The following LUC7L2 variants were observed in gnomAD, a reference collection of about 807,000 sequenced individuals.
The protein encoded by LUC7L2 is LUC7 like 2, pre-mRNA splicing factor.
A neutral mutation model predicts 52.8 loss-of-function variants in LUC7L2; 25 were observed. The observed-to-expected ratio is 0.47, with a 90% CI of 0.34 to 0.66. The LOEUF (loss-of-function observed/expected upper bound fraction) is 0.66, where lower values mean the gene tolerates loss of function less well. Among genes scored for constraint, LUC7L2 ranks in the 30% least tolerant of loss-of-function variants. The pLI, the probability that LUC7L2 is intolerant of heterozygous loss-of-function variation, is 0.01. For missense variants in LUC7L2, 328 were observed against 497.8 expected (o/e 0.66, Z 3.25); for synonymous variants, 144 against 160.9 (o/e 0.89, Z 0.80).
Position 139,354,883 on chromosome 7 carries a change from G to T in LUC7L2, c.-26+14366G>T, listed in dbSNP as rs181502024. On this transcript the variant is annotated intron_variant, in intron 1 of 10. Transcript: ENST00000541170. ...ACTTTTTTTTTTTTTTTGAGACAGGGTCTTGCTCTGTTGTCCAGGTTGGAG... is the reference window on the plus strand; with the variant it reads ...ACTTTTTTTTTTTTTTTGAGACAGGTTCTTGCTCTGTTGTCCAGGTTGGAG... Among the ~76,000 whole-genome samples the T allele has an allele frequency of 7.6e-3, 1,139 of 150,604 alleles. 7 individuals are homozygous for T. Among genetic ancestry groups the T allele is most frequent in the South Asian group, 0.013 (64 of 4,784 alleles).
intron 1 of LUC7L2, among the ~76,000 whole-genome samples, chr7:139,364,851 T>A (rs1463856497): frequency 6.6e-6 from 1 of 152,274 alleles, no homozygotes. Flanking sequence ...ACATTTTCTC[T>A]TAATTTTTTC....
intron 1 of LUC7L2, among the ~76,000 whole-genome samples, chr7:139,369,054 A>G (rs1047859988): frequency 6.6e-6 from 1 of 151,724 alleles, no homozygotes; most frequent in East Asian, 1.9e-4. Flanking sequence ...TTCTGTAGCT[A>G]TCACCAGCTG....
chr7:139,397,116 A>G (rs1286212500), intron 2 of LUC7L2, among the ~76,000 whole-genome samples: 1 of 152,198 alleles, frequency 6.6e-6, no homozygotes, highest in African/African-American at 2.4e-5. Flanking sequence ...CCTGTGTGCC[A>G]TACTCTATTC....
At chr7:139,356,703 T>C (rs956800872), upstream of LUC7L2, among the ~76,000 whole-genome samples, 6 of 152,000 alleles carry the variant, frequency 3.9e-5, no homozygotes, top group African/African-American at 1.5e-4. Context: ...AACTCTATTG[T>C]GGGGCAAAAG....
intron 1 of LUC7L2, among the ~76,000 whole-genome samples, chr7:139,350,551 T>C (rs1265687948): frequency 6.6e-6 from 1 of 152,022 alleles, no homozygotes; most frequent in East Asian, 1.9e-4. Context: ...AACCCAGAGG[T>C]ACAGATGACC....
Position 139,422,808 on chromosome 7 carries a change from C to T in LUC7L2, c.*468C>T. 1 of 399,388 alleles carries T rather than the reference C, an allele frequency of 2.5e-6. No homozygotes were observed. The highest frequency in any genetic ancestry group is 4.4e-6 in the Non-Finnish European group (1 of 226,368). 24.7% of individuals were successfully genotyped at this position (399,388 alleles called of 1,614,324 possible). A position where few individuals can be genotyped will look rare whatever the true frequency, so the allele number is the denominator to read the frequency against. ...AAGCAATATAGCTTCCATTCTAAGG[C>T]TGTATTCCCGTTATGAATTACTAGC... On this transcript the variant is annotated 3_prime_UTR_variant, in exon 10 of 10. Coordinates refer to ENST00000354926, the MANE Select transcript of LUC7L2 (RefSeq NM_016019.5).
intron 4 of LUC7L2, among the ~76,000 whole-genome samples, chr7:139,405,250 A>G (rs977473387): frequency 1.3e-5 from 2 of 152,214 alleles, no homozygotes; most frequent in African/African-American, 4.8e-5. Context: ...CAGAAAGAAG[A>G]GTATATGCAA....
In LUC7L2 at chr7:139,421,973, C is replaced by A. The variant is rs1331812366; in HGVS notation, c.1002-190C>A. On this transcript the variant is annotated intron_variant, in intron 9 of 9. Coordinates refer to ENST00000354926, the MANE Select transcript of LUC7L2 (RefSeq NM_016019.5). ...TGACCCTCTGCTATTTGTTTTTCAC[C>A]CATCTTCTTGTTTTAATGCCCTTAT... 2.6e-5 allele frequency among the ~76,000 whole-genome samples: 4 copies of A among 152,030 alleles called. No homozygotes were observed. In the East Asian group the frequency reaches 7.7e-4, roughly 29 times the overall value.
At chr7:139,370,205 G>C (rs1250602166) in intron 1 of LUC7L2, among the ~76,000 whole-genome samples, 2 of 152,172 alleles carry the variant, frequency 1.3e-5, no homozygotes, top group Non-Finnish European at 2.9e-5. Flanking sequence ...GTTAAACTGA[G>C]TGTATATATT....
At chr7:139,363,064 C>G (rs1799966965) in intron 1 of LUC7L2, 1 of 186,864 alleles carries the variant, frequency 5.4e-6, no homozygotes, top group South Asian at 1.8e-4. Context: ...CTGAGGGCAG[C>G]ATGATGGTGC....
chr7:139,363,972 C>T (rs1189729274), intron 1 of LUC7L2, among the ~76,000 whole-genome samples: 1 of 128,734 alleles, frequency 7.8e-6, no homozygotes, highest in Non-Finnish European at 1.6e-5. Context: ...ATTTAGATTA[C>T]ATCCTTTTTT....
chr7:139,407,709 C>T (rs1795184851), intron 6 of LUC7L2, among the ~76,000 whole-genome samples: 1 of 152,024 alleles, frequency 6.6e-6, no homozygotes, highest in African/African-American at 2.4e-5. Flanking sequence ...AGAAAATGAA[C>T]CCAATATTAA....
intron 2 of LUC7L2, among the ~76,000 whole-genome samples, chr7:139,377,734 G>A (rs999110033): frequency 1.5e-4 from 23 of 151,582 alleles, no homozygotes; most frequent in East Asian, 7.8e-4. Context: ...TCACCATGTC[G>A]GTCAGGCTGG....
At chr7:139,401,705 G>A (rs1227780943) in intron 3 of LUC7L2, among the ~76,000 whole-genome samples, 11 of 150,824 alleles carry the variant, frequency 7.3e-5, no homozygotes, top group Admixed American at 7.3e-4. Context: ...TACCTGCTTC[G>A]GCCTCCCAAA....
chr7:139,396,239 A>T (rs963910270), intron 2 of LUC7L2, among the ~76,000 whole-genome samples: 5 of 152,018 alleles, frequency 3.3e-5, no homozygotes, highest in South Asian at 2.1e-4. Context: ...GGAGTTTGAG[A>T]CCAGCCTGGG....
intron 2 of LUC7L2, among the ~76,000 whole-genome samples, chr7:139,389,355 G>A (rs1381744359): frequency 6.6e-6 from 1 of 152,122 alleles, no homozygotes; most frequent in African/African-American, 2.4e-5. Flanking sequence ...CTAGTGGCCT[G>A]TGGGCCAGTA....
At chr7:139,419,477 G>A (rs1036817756) in intron 9 of LUC7L2, among the ~76,000 whole-genome samples, 1 of 152,210 alleles carries the variant, frequency 6.6e-6, no homozygotes, top group African/African-American at 2.4e-5. Context: ...TACCCTCAGT[G>A]CAGTGTTCAG....
intron 2 of LUC7L2, among the ~76,000 whole-genome samples, chr7:139,396,015 C>A (rs1431510219): frequency 3.3e-5 from 5 of 152,076 alleles, no homozygotes; most frequent in African/African-American, 1.2e-4. Flanking sequence ...AAAAAAGCTA[C>A]CTGATGGTTG....
At chr7:139,377,969 C>T (rs1267372278) in intron 2 of LUC7L2, among the ~76,000 whole-genome samples, 1 of 151,682 alleles carries the variant, frequency 6.6e-6, no homozygotes, top group Non-Finnish European at 1.5e-5. Context: ...AGGCACACAC[C>T]ACCATGCTCG....
Sources: gnomAD v4.1 joint callset for allele counts (sites outside exome capture counted in the v4.1 genomes callset) on GRCh38, gnomAD v4.1.1 for gene constraint, MANE v1.5 for transcripts, NCBI Gene and HGNC (gene_info 2026-07-23, HGNC 2026-07-21) for gene names.